Variants in RIMS2 observed in about 807,000 individuals in gnomAD.
RIMS2 encodes the protein regulating synaptic membrane exocytosis protein 2.
RIMS2 carries 59 observed loss-of-function variants against 174.4 expected under a neutral mutation model. That is an observed-to-expected ratio of 0.34 (90% CI 0.27 to 0.42). The LOEUF (loss-of-function observed/expected upper bound fraction) is 0.42. RIMS2 is among the 10% of genes least tolerant of loss of function. The pLI is 1.00. For missense variants in RIMS2, 1,620 were observed against 1,666.3 expected (o/e 0.97, Z 0.48); for synonymous variants, 606 against 572.5 (o/e 1.06, Z -0.84).
At chr8:104,044,255 A>C (rs1468778471) in intron 19 of RIMS2, among the ~76,000 whole-genome samples, 3 of 151,682 alleles carry the variant, frequency 2.0e-5, no homozygotes, top group Non-Finnish European at 4.4e-5. Context: ...TTAGAGAAAG[A>C]AGCTCAGGAT....
chr8:103,722,489 C>G (rs895506971), intron 2 of RIMS2, among the ~76,000 whole-genome samples: 13 of 152,048 alleles, frequency 8.5e-5, no homozygotes, highest in African/African-American at 2.7e-4. Flanking sequence ...TTATAAGCAG[C>G]ACGCAACCTA....
chr8:104,042,988 G>A (rs1329161268), intron 19 of RIMS2, among the ~76,000 whole-genome samples: 1 of 151,582 alleles, frequency 6.6e-6, no homozygotes, highest in Non-Finnish European at 1.5e-5. Flanking sequence ...TGTTGAAAAT[G>A]ATTAAAGACG....
At chr8:103,613,491 T>TC (rs1179126742) in intron 1 of RIMS2, among the ~76,000 whole-genome samples, 3 of 152,186 alleles carry the variant, frequency 2.0e-5, no homozygotes, top group Non-Finnish European at 2.9e-5. Flanking sequence ...AGAAATTCTC[T>TC]CCAAGAGCCT....
chr8:104,249,104 C>CT (rs34239203), intron 21 of RIMS2, among the ~76,000 whole-genome samples: 9 of 150,076 alleles, frequency 6.0e-5, no homozygotes, highest in South Asian at 2.1e-4. Flanking sequence ...AATATTTTGA[C>CT]TTTTTTTTTG....
intron 17 of RIMS2, among the ~76,000 whole-genome samples, chr8:103,995,769 A>G (rs1565746102): frequency 6.6e-6 from 1 of 152,032 alleles, no homozygotes; most frequent in Non-Finnish European, 1.5e-5. Flanking sequence ...GATTGTATTT[A>G]GTCAGGGGAA....
At chr8:103,977,937 G>T (rs1486847938) in intron 16 of RIMS2, among the ~76,000 whole-genome samples, 2 of 152,200 alleles carry the variant, frequency 1.3e-5, no homozygotes, top group African/African-American at 4.8e-5. Context: ...TTAATCTCCA[G>T]CCCTCAACCC....
intron 2 of RIMS2, among the ~76,000 whole-genome samples, chr8:103,712,476 T>C (rs1193081818): frequency 9.2e-5 from 14 of 152,220 alleles, no homozygotes; most frequent in Non-Finnish European, 2.1e-4. Context: ...TATCCACTTG[T>C]TCCTAATCTC....
chr8:104,248,209 G>A (rs1282345292), intron 20 of RIMS2, among the ~76,000 whole-genome samples: 1 of 152,180 alleles, frequency 6.6e-6, no homozygotes, highest in African/African-American at 2.4e-5. Context: ...GAGAAATGGG[G>A]TAGTAACTGG....
At chr8:104,176,591 C>T (rs973005129) in intron 19 of RIMS2, among the ~76,000 whole-genome samples, 6 of 151,102 alleles carry the variant, frequency 4.0e-5, no homozygotes, top group East Asian at 1.9e-4. Context: ...CAAGCTAAGC[C>T]GTTTTATAAT....
intron 21 of RIMS2, among the ~76,000 whole-genome samples, chr8:104,249,201 G>A (rs533025613): frequency 3.3e-5 from 5 of 151,824 alleles, no homozygotes; most frequent in Admixed American, 6.6e-5. Context: ...CCAAAGTGCT[G>A]GGATTACAGG....
At position 103,885,673 on chromosome 8, in the gene RIMS2, A is replaced by C. The variant is rs748319609; in HGVS notation, c.1074A>C (p.Glu358Asp). 6.8e-6 allele frequency: 11 copies of C among 1,612,982 alleles called. No homozygotes were observed. The highest frequency in any genetic ancestry group is 8.5e-6 in the Non-Finnish European group (10 of 1,179,470). ...AAGAACAAATGCGGATCCATGCTGAAGTGTCCCGAGCACGGCATGAGAGAA... is the reference window on the plus strand; with the variant it reads ...AAGAACAAATGCGGATCCATGCTGACGTGTCCCGAGCACGGCATGAGAGAA... The change falls in exon 4 of 24, where the codon GAA becomes GAC. Residue 358 changes from glutamate to aspartate, a missense_variant. Physicochemically the swap from Glu to Asp is conservative, Grantham distance 45. Coordinates refer to ENST00000504942, the Ensembl canonical transcript of RIMS2.
At chr8:103,959,577 T>A (rs1202526933) in intron 14 of RIMS2, among the ~76,000 whole-genome samples, 1 of 151,948 alleles carries the variant, frequency 6.6e-6, no homozygotes, top group Non-Finnish European at 1.5e-5. Context: ...CTAATATTTT[T>A]TTTCTTTTTT....
intron 1 of RIMS2, among the ~76,000 whole-genome samples, chr8:103,668,715 C>G (rs560682165): frequency 2.7e-5 from 4 of 150,566 alleles, no homozygotes; most frequent in African/African-American, 7.3e-5. Context: ...GAGTCTTGCT[C>G]TGTCACCTAG....
intron 4 of RIMS2, among the ~76,000 whole-genome samples, chr8:103,909,467 A>C (rs2075209447): frequency 6.6e-6 from 1 of 152,118 alleles, no homozygotes; most frequent in Non-Finnish European, 1.5e-5. Flanking sequence ...AAAATGTGGA[A>C]AAATTATTTC....
At chr8:103,590,367 G>A (rs891026111) in intron 1 of RIMS2, among the ~76,000 whole-genome samples, 1 of 151,292 alleles carries the variant, frequency 6.6e-6, no homozygotes, top group Admixed American at 6.6e-5. Flanking sequence ...CATATCTGGG[G>A]CCATATCCAC....
intron 1 of RIMS2, among the ~76,000 whole-genome samples, chr8:103,672,438 A>G (rs2096756118): frequency 6.6e-6 from 1 of 151,926 alleles, no homozygotes; most frequent in African/African-American, 2.4e-5. Context: ...GCTTTAAAGT[A>G]AACATGGTGC....
chr8:103,563,249 C>T (rs571408764), intron 1 of RIMS2, among the ~76,000 whole-genome samples: 148 of 152,258 alleles, frequency 9.7e-4, no homozygotes, highest in African/African-American at 3.4e-3. Flanking sequence ...GCAAATTTTC[C>T]ACACTTTTAT....
intron 1 of RIMS2, among the ~76,000 whole-genome samples, chr8:103,511,613 T>C (rs1826476502): frequency 6.6e-6 from 1 of 152,174 alleles, no homozygotes; most frequent in South Asian, 2.1e-4. Flanking sequence ...ATCAGTTGTT[T>C]AACTTAGGCA....
intron 1 of RIMS2, among the ~76,000 whole-genome samples, chr8:103,511,381 T>C (rs1826363701): frequency 6.6e-6 from 1 of 152,228 alleles, no homozygotes. Flanking sequence ...GTTAAAAGAC[T>C]CAGCATAACT....
Sources: allele counts gnomAD v4.1 joint callset (sites outside exome capture counted in the v4.1 genomes callset), GRCh38; gene constraint gnomAD v4.1.1; transcripts MANE v1.5; gene names NCBI Gene and HGNC (gene_info 2026-07-23, HGNC 2026-07-21).